The following KPNA2 variants were observed in gnomAD, a reference collection of about 807,000 sequenced individuals.
KPNA2 encodes karyopherin subunit alpha 2, also known as importin subunit alpha-1.
A neutral mutation model predicts 53.7 loss-of-function variants in KPNA2; 20 were observed. The ratio of observed to expected loss-of-function variants is 0.37; its 90% CI spans 0.26 to 0.54. The LOEUF (loss-of-function observed/expected upper bound fraction) is 0.54, where lower values mean the gene tolerates loss of function less well. Ranked by LOEUF, KPNA2 falls within the 20% of genes least tolerant of loss-of-function variation. The pLI is 0.83. For synonymous variants in KPNA2, 238 were observed against 227.5 expected, an observed-to-expected ratio of 1.05 and a Z score of -0.42; for missense variants, 515 against 640.3, an observed-to-expected ratio of 0.80 and a Z score of 2.11.
intron 7 of KPNA2, 116 bp downstream of exon 7, chr17:68,043,479 G>A: frequency 1.0e-6 from 1 of 993,380 alleles, no homozygotes; most frequent in South Asian, 1.5e-5. Flanking sequence ...CAAGGCAGGT[G>A]GATCACCTGA....
chr17:68,037,637 A>T, intron 3 of KPNA2, 142 bp downstream of exon 3: 1 of 809,984 alleles, frequency 1.2e-6, no homozygotes. Flanking sequence ...GTTTGCAATT[A>T]GTAATTGTCT....
intron 4 of KPNA2, among the ~76,000 whole-genome samples, chr17:68,041,337 C>T (rs1009523061): frequency 2.6e-5 from 4 of 151,974 alleles, no homozygotes; most frequent in South Asian, 4.1e-4. Flanking sequence ...GCCAAGGGGT[C>T]GGTTACTTGA....
chr17:68,038,695 G>A (rs1017518350), intron 3 of KPNA2, among the ~76,000 whole-genome samples: 6 of 151,958 alleles, frequency 3.9e-5, no homozygotes, highest in East Asian at 1.9e-4. Flanking sequence ...GTGAAACTCC[G>A]TCTCAAGGAA....
chr17:68,042,888 C>A lies in KPNA2; in HGVS notation c.572-17C>A, dbSNP rs560528668. 5.7e-6 allele frequency: 8 copies of A among 1,414,006 alleles called. No individual in the cohort carries two copies. The highest frequency in any genetic ancestry group is 1.2e-5 in the South Asian group (1 of 81,622). The allele number at this position is 1,414,006 out of a possible 1,614,324, so 87.6% of individuals were successfully genotyped here. A position where few individuals can be genotyped will look rare whatever the true frequency, so the allele number is the denominator to read the frequency against. ...CAAAAAAAAAAAAAAAAAAATTAAT[C>A]TTGCCTTTTTTTTCAGGTGATGGCT... On this transcript the variant is annotated splice_polypyrimidine_tract_variant and intron_variant, in intron 5 of 10. Transcript: ENST00000330459.
chr17:68,042,300 C>T lies in KPNA2; in HGVS notation c.518C>T (p.Ser173Phe). The stretch of plus-strand genomic sequence containing the variant: ...CCAGCATTCATTTCTCTGTTGGCAT[C>T]TCCCCATGCTCACATCAGTGAACAA... ...AIPAFISLLA[S>F]PHAHISEQAV... The change falls in exon 5 of 11, where the codon TCT becomes TTT. Residue 173 changes from serine to phenylalanine, a missense_variant. Transcript: ENST00000330459. 2 of 1,614,164 alleles carry T rather than the reference C, an allele frequency of 1.2e-6. No homozygotes were observed. The highest frequency in any genetic ancestry group is 1.7e-6 in the Non-Finnish European group (2 of 1,180,012).
At chr17:68,043,683 C>CA (rs35815075) in intron 7 of KPNA2, among the ~76,000 whole-genome samples, 155 bp from the exon 8 acceptor site, 7 of 141,508 alleles carry the variant, frequency 4.9e-5, no homozygotes, top group African/African-American at 1.0e-4. Context: ...TCCAGTCTCT[C>CA]AAAAAAAAAA....
At chr17:68,042,033 C>A in intron 4 of KPNA2, 52 bp from the exon 5 acceptor site, 3 of 1,486,608 alleles carry the variant, frequency 2.0e-6, no homozygotes, top group Non-Finnish European at 9.2e-7. Flanking sequence ...TTTACACAAA[C>A]TCCTTTTGTT....
Position 68,043,270 on chromosome 17 carries a change from T to C in KPNA2, c.837T>C (p.Thr279=), listed in dbSNP as rs782735223. The change falls in exon 7 of 11, where the codon ACT becomes ACC. Residue 279 remains threonine (T), a synonymous_variant. Coordinates refer to ENST00000330459, the MANE Select transcript of KPNA2 (RefSeq NM_002266.4). ...CCTGCTGGGCTATTTCCTACCTTAC[T>C]GATGGTCCAAATGAACGAATTGGCA... ...ADTCWAISYL[T]DGPNERIGMV... 1 of 1,614,182 alleles carries C rather than the reference T, an allele frequency of 6.2e-7. No individual in the cohort carries two copies. Among genetic ancestry groups the C allele is most frequent in the Non-Finnish European group, 8.5e-7 (1 of 1,180,004 alleles).
rs201364593 is a variant in KPNA2, at chr17:68,037,104, T to G, written c.-23-6T>G. On this transcript the variant is annotated splice_region_variant and splice_polypyrimidine_tract_variant and intron_variant, in intron 1 of 10. Coordinates refer to ENST00000330459, the MANE Select transcript of KPNA2 (RefSeq NM_002266.4). ...GGAAATATTTTTCTCTTCCCCCATC[T>G]TTTAGCTTTCTCCCTTTGTCTCATA... is the stretch of plus-strand genomic sequence containing the variant. 1 of 1,560,302 alleles carries G rather than the reference T, an allele frequency of 6.4e-7. No individual in the cohort carries two copies. Among genetic ancestry groups the G allele is most frequent in the Admixed American group, 1.7e-5 (1 of 57,650 alleles).
At chr17:68,038,021 G>C (rs1363440347) in intron 3 of KPNA2, among the ~76,000 whole-genome samples, 1 of 152,080 alleles carries the variant, frequency 6.6e-6, no homozygotes, top group East Asian at 1.9e-4. Context: ...CTGTCGCCCA[G>C]GCTAGCGTGC....
chr17:68,040,827 TG>T, intron 4 of KPNA2, 61 bp downstream of exon 4: 1 of 768,330 alleles, frequency 1.3e-6, no homozygotes, highest in Non-Finnish European at 2.3e-6. Flanking sequence ...GATTTTTTTT[TG>T]GGGGGTGGGG....
chr17:68,040,026 G>T (rs1216546557), intron 3 of KPNA2, among the ~76,000 whole-genome samples: 6 of 151,768 alleles, frequency 4.0e-5, no homozygotes, highest in Non-Finnish European at 8.8e-5. Flanking sequence ...GTGGTGGTGA[G>T]CCAAGATCAT....
In KPNA2 at chr17:68,043,295, A is replaced by G. The variant is rs560409056; in HGVS notation, c.862A>G (p.Met288Val). The stretch of plus-strand genomic sequence containing the variant: ...TGATGGTCCAAATGAACGAATTGGC[A>G]TGGTGGTGAAAACAGGAGTTGTGCC... Reference protein sequence around the residue: ...LTDGPNERIGMVVKTGVVPQL... With the variant: ...LTDGPNERIGVVVKTGVVPQL... Residue 288 changes from methionine to valine, a missense_variant, in exon 7 of 11, where the codon ATG becomes GTG. By Grantham distance (21) the Met-to-Val change is conservative (BLOSUM62 1). Coordinates refer to ENST00000330459, the MANE Select transcript of KPNA2 (RefSeq NM_002266.4). The G allele has an allele frequency of 6.2e-7, 1 of 1,614,194 alleles. No homozygotes were observed. The highest frequency in any genetic ancestry group is 1.3e-5 in the African/African-American group (1 of 75,054).
rs2071203981 is a variant in KPNA2 at position 68,037,464 on chromosome 17, C to T, written c.182C>T (p.Thr61Ile). The change falls in exon 3 of 11, where the codon ACT becomes ATT. Residue 61 changes from threonine (T) to isoleucine (I), a missense_variant. Physicochemically the swap from Thr to Ile is moderately conservative, Grantham distance 89. Transcript: ENST00000330459. ...GTAAGCTCATTTCCTGATGATGCTA[C>T]TTCTCCGCTGCAGGAAAACCGCAAC... ...RNVSSFPDDA[T>I]SPLQENRNNQ... 7 of 1,613,582 alleles carry T rather than the reference C, an allele frequency of 4.3e-6. No homozygotes were observed. Among genetic ancestry groups the T allele is most frequent in the African/African-American group, 4.0e-5 (3 of 75,006 alleles).
chr17:68,042,484 TGTC>T, intron 5 of KPNA2, 131 bp downstream of exon 5: 4 of 991,012 alleles, frequency 4.0e-6, no homozygotes, highest in Non-Finnish European at 6.0e-6. Context: ...GGAATGAAAG[TGTC>T]GTCTTTACAA....
Position 68,037,946 on chromosome 17 carries a change from G to A in KPNA2, c.213+451G>A, listed in dbSNP as rs183413188. 3.9e-5 allele frequency among the ~76,000 whole-genome samples: 6 copies of A among 151,934 alleles called. No homozygotes were observed. The East Asian group carries it at 9.7e-4, about 24-fold the overall frequency. On this transcript the variant is annotated intron_variant, in intron 3 of 10. Coordinates refer to ENST00000330459, the MANE Select transcript of KPNA2 (RefSeq NM_002266.4). ...CCTGAGTAGCTGGGATTATGGGTGC[G>A]CATCACCACGCTTGGCTAGTTTTTG...
Position 68,043,820 on chromosome 17 carries a change from A to ATTT in KPNA2, c.931-17_931-16insTTT. The stretch of plus-strand genomic sequence containing the variant: ...TGGGGAAAAAATAACCAGCATCAAC[A>ATTT]TATTTTTTTTTTTTCAGACTCCTGC... On this transcript the variant is annotated splice_polypyrimidine_tract_variant and intron_variant, in intron 7 of 10. Coordinates refer to ENST00000330459, the MANE Select transcript of KPNA2 (RefSeq NM_002266.4). The ATTT allele has an allele frequency of 7.0e-7, 1 of 1,423,430 alleles. No individual in the cohort carries two copies. The highest frequency in any genetic ancestry group is 1.2e-5 in the South Asian group (1 of 86,320). 88.2% of individuals were successfully genotyped at this position (1,423,430 alleles called of 1,614,324 possible).
At chr17:68,040,540 A>G in intron 3 of KPNA2, 138 bp from the exon 4 acceptor site, 1 of 590,924 alleles carries the variant, frequency 1.7e-6, no homozygotes, top group Non-Finnish European at 3.0e-6. Context: ...TTAACAGGCA[A>G]AATTAAATGT....
intron 1 of KPNA2, 128 bp from the exon 2 acceptor site, chr17:68,036,982 A>G: frequency 2.9e-6 from 2 of 697,976 alleles, no homozygotes; most frequent in Non-Finnish European, 5.0e-6. Flanking sequence ...TGCCGAAAAC[A>G]TGATGATCCC....
Sources: gnomAD v4.1 joint callset for allele counts (sites outside exome capture counted in the v4.1 genomes callset) on GRCh38, gnomAD v4.1.1 for gene constraint, MANE v1.5 for transcripts, NCBI Gene and HGNC (gene_info 2026-07-23, HGNC 2026-07-21) for gene names.